Variants in CHST3 observed in about 807,000 individuals in gnomAD.
CHST3 encodes carbohydrate sulfotransferase 3.
A neutral mutation model predicts 35.4 loss-of-function variants in CHST3; 20 were observed. The ratio of observed to expected loss-of-function variants is 0.57; its 90% CI spans 0.40 to 0.82. The LOEUF is 0.82. Among genes scored for constraint, CHST3 ranks in the 40% least tolerant of loss-of-function variants. The probability of loss-of-function intolerance (pLI) is 0.00; values close to 1 mark genes in which losing one functional copy is unlikely to be tolerated. For synonymous variants in CHST3, 334 were observed against 295.9 expected, an observed-to-expected ratio of 1.13 and a Z score of -1.32; for missense variants, 693 against 670.1, an observed-to-expected ratio of 1.03 and a Z score of -0.38.
chr10:71,994,360 G>A (rs1315677263), intron 1 of CHST3, among the ~76,000 whole-genome samples: 3 of 152,188 alleles, frequency 2.0e-5, no homozygotes, highest in Non-Finnish European at 4.4e-5. Context: ...TGTGTTAACA[G>A]GCATGAAAAC....
At chr10:71,989,793 AGCATTTGCAT>A (rs1319707817) in intron 1 of CHST3, among the ~76,000 whole-genome samples, 3 of 152,228 alleles carry the variant, frequency 2.0e-5, no homozygotes, top group Non-Finnish European at 4.4e-5. Context: ...AAAGATATCC[AGCATTTGCAT>A]GGATCCAGTC....
intron 1 of CHST3, among the ~76,000 whole-genome samples, chr10:71,971,303 G>A (rs549115897): frequency 6.6e-6 from 1 of 152,286 alleles, no homozygotes; most frequent in African/African-American, 2.4e-5. Context: ...GGGTGGTTGT[G>A]GGGTGAGTCC....
intron 1 of CHST3, among the ~76,000 whole-genome samples, chr10:71,999,671 G>A (rs1388808627): frequency 6.6e-6 from 1 of 152,174 alleles, no homozygotes; most frequent in Non-Finnish European, 1.5e-5. Context: ...CACCTTCCCC[G>A]GAGGAGGCCG....
intron 1 of CHST3, among the ~76,000 whole-genome samples, chr10:71,968,811 G>T (rs535815890): frequency 4.6e-5 from 7 of 152,128 alleles, no homozygotes; most frequent in Non-Finnish European, 8.8e-5. Flanking sequence ...GGAGATTTTG[G>T]GGGGGCACAC....
Position 72,008,439 on chromosome 10 carries a change from C to T in CHST3, c.1408C>T (p.Leu470=), listed in dbSNP as rs772505441. The part of the protein sequence containing the change: ...AALTNRSVSL[L]EERGTFWVT ...CCTCACCAACCGCTCAGTCAGCCTGCTGGAGGAGAGGGGCACCTTCTGGGT... is the reference window on the plus strand; with the variant it reads ...CCTCACCAACCGCTCAGTCAGCCTGTTGGAGGAGAGGGGCACCTTCTGGGT... Residue 470 remains leucine (L), a synonymous_variant, in exon 3 of 3, where the codon CTG becomes TTG. Coordinates refer to ENST00000373115, the MANE Select transcript of CHST3 (RefSeq NM_004273.5). 11 of 1,567,562 alleles carry T rather than the reference C, an allele frequency of 7.0e-6. No homozygotes were observed. In the Admixed American group the frequency reaches 1.9e-4, roughly 27 times the overall value.
intron 1 of CHST3, 68 bp from the exon 2 acceptor site, chr10:72,005,668 G>A (rs1055889829): frequency 6.6e-6 from 5 of 754,340 alleles, no homozygotes; most frequent in African/African-American, 1.7e-5. Context: ...TCAAAAGTCT[G>A]GTGGAGAGAC....
chr10:71,998,676 T>C (rs2131764130), intron 1 of CHST3, among the ~76,000 whole-genome samples: 1 of 152,278 alleles, frequency 6.6e-6, no homozygotes. Flanking sequence ...GGCTGGCCCT[T>C]AGCCCCAAGA....
chr10:71,998,765 C>T (rs1423271975), intron 1 of CHST3, among the ~76,000 whole-genome samples: 2 of 152,230 alleles, frequency 1.3e-5, no homozygotes, highest in Non-Finnish European at 2.9e-5. Context: ...CCTGCTTCTA[C>T]TCAGTCTTGG....
chr10:71,967,821 T>C (rs1446249229), intron 1 of CHST3, among the ~76,000 whole-genome samples: 1 of 152,110 alleles, frequency 6.6e-6, no homozygotes, highest in Non-Finnish European at 1.5e-5. Flanking sequence ...TTTTTGTTTT[T>C]TGTTTTTGGT....
At chr10:71,982,027 A>G (rs76423969) in intron 1 of CHST3, among the ~76,000 whole-genome samples, 3,947 of 152,362 alleles carry the variant, frequency 0.026, 74 homozygotes, top group Non-Finnish European at 0.041. Flanking sequence ...TTAAGGAAGC[A>G]GGTGCTTATG....
Position 72,009,868 on chromosome 10 carries a change from C to T in CHST3, c.*1397C>T, listed in dbSNP as rs1020693097. 1.5e-4 allele frequency: 23 copies of T among 152,756 alleles called. No homozygotes were observed. Among genetic ancestry groups the T allele is most frequent in the African/African-American group, 4.6e-4 (19 of 41,404 alleles). The allele number at this position is 152,756 out of a possible 1,614,324, so 9.5% of individuals were successfully genotyped here. A position where few individuals can be genotyped will look rare whatever the true frequency, so the allele number is the denominator to read the frequency against. On this transcript the variant is annotated 3_prime_UTR_variant, in exon 3 of 3. Coordinates refer to ENST00000373115, the MANE Select transcript of CHST3 (RefSeq NM_004273.5). The stretch of plus-strand genomic sequence containing the variant: ...TTTTGCTTTTGTTTCTGTAGGAGCG[C>T]CTCTTCCAAGCAGTGGAGGCCTGAG...
chr10:71,977,206 T>A (rs1304344644), intron 1 of CHST3, among the ~76,000 whole-genome samples: 1 of 152,346 alleles, frequency 6.6e-6, no homozygotes, highest in East Asian at 1.9e-4. Context: ...CCCCCAGACC[T>A]GAGCAGTCAC....
Position 72,007,839 on chromosome 10 carries a change from A to G in CHST3, c.808A>G (p.Met270Val). The G allele has an allele frequency of 1.7e-5, 27 of 1,605,534 alleles. No homozygotes were observed. The highest frequency in any genetic ancestry group is 2.3e-5 in the Non-Finnish European group (27 of 1,179,192). ...AAEACRRKEH[M>V]ALKAVRIRQL... ...AGAGGCCTGCCGCCGCAAGGAGCAC[A>G]TGGCCCTCAAGGCGGTGCGCATCCG... Residue 270 changes from methionine to valine, a missense_variant, in exon 3 of 3, where the codon ATG (methionine) becomes GTG (valine). Coordinates refer to ENST00000373115, the MANE Select transcript of CHST3 (RefSeq NM_004273.5).
rs1839955834 is a variant in CHST3 at position 71,997,873 on chromosome 10, G to A, written c.-107-7863G>A. 2.6e-5 allele frequency among the ~76,000 whole-genome samples: 4 copies of A among 151,950 alleles called. No individual in the cohort carries two copies. In the South Asian group the frequency reaches 8.3e-4, roughly 32 times the overall value. On this transcript the variant is annotated intron_variant, in intron 1 of 2. Coordinates refer to ENST00000373115, the MANE Select transcript of CHST3 (RefSeq NM_004273.5). ...AGTAGAGACGGGGTTTCACCATGTTGGCCAGGCTGGTCTTGAACTCCTGAC... is the reference window on the plus strand; with the variant it reads ...AGTAGAGACGGGGTTTCACCATGTTAGCCAGGCTGGTCTTGAACTCCTGAC...
At chr10:71,976,112 T>A (rs1264687193) in intron 1 of CHST3, among the ~76,000 whole-genome samples, 1 of 152,216 alleles carries the variant, frequency 6.6e-6, no homozygotes, top group African/African-American at 2.4e-5. Context: ...CATTCTGCAG[T>A]CACTGGCTCT....
Position 72,008,285 on chromosome 10 carries a change from G to C in CHST3, c.1254G>C (p.Gln418His), listed in dbSNP as rs778084595. 6.3e-7 allele frequency: 1 copy of C among 1,586,510 alleles called. No individual in the cohort carries two copies. Among genetic ancestry groups the C allele is most frequent in the African/African-American group, 1.3e-5 (1 of 74,464 alleles). The change falls in exon 3 of 3, where the codon CAG becomes CAC. Residue 418 changes from glutamine (Q) to histidine (H), a missense_variant. By Grantham distance (24) the Gln-to-His change is conservative (BLOSUM62 0). Coordinates refer to ENST00000373115, the MANE Select transcript of CHST3 (RefSeq NM_004273.5). ...ACGGCAGCGGCATCTACTCCACGCA[G>C]AAGAACTCCTCGGAGCAGTTCGAGA... ...AHDGSGIYST[Q>H]KNSSEQFEKW...
chr10:71,994,110 C>A (rs902268648), intron 1 of CHST3, among the ~76,000 whole-genome samples: 6 of 151,416 alleles, frequency 4.0e-5, no homozygotes, highest in African/African-American at 1.5e-4. Context: ...AAAACAACAA[C>A]GAAAATTAGC....
At position 72,008,047 on chromosome 10, in the gene CHST3, A is replaced by AGCGGCTGCGGG. The variant is rs1840064174; in HGVS notation, c.1019_1029dup (p.Asn344GlyfsTer54). Reference sequence around the variant, plus strand: ...GACGGCCTGAGGGAAGAGGAGGTGCAGCGGCTGCGGGGCAACTGCGAGAGC... The same window carrying AGCGGCTGCGGG: ...GACGGCCTGAGGGAAGAGGAGGTGCAGCGGCTGCGGGGCGGCTGCGGGGCAACTGCGAGAGC... On this transcript the variant is annotated frameshift_variant, in exon 3 of 3. Coordinates refer to ENST00000373115, the MANE Select transcript of CHST3 (RefSeq NM_004273.5). LOFTEE classifies it high-confidence loss of function. 6.5e-7 allele frequency: 1 copy of AGCGGCTGCGGG among 1,549,146 alleles called. No homozygotes were observed. The highest frequency in any genetic ancestry group is 2.0e-5 in the Admixed American group (1 of 50,954).
intron 1 of CHST3, among the ~76,000 whole-genome samples, chr10:71,975,489 G>A (rs1281088766): frequency 6.6e-6 from 1 of 152,264 alleles, no homozygotes; most frequent in Non-Finnish European, 1.5e-5. Flanking sequence ...ATCTCAAAGT[G>A]TAGGTCACTC....
Sources: allele counts gnomAD v4.1 joint callset (sites outside exome capture counted in the v4.1 genomes callset), GRCh38; gene constraint gnomAD v4.1.1; transcripts MANE v1.5; gene names NCBI Gene and HGNC (gene_info 2026-07-23, HGNC 2026-07-21).